SLC2A9: variants seen among roughly 807,000 people sequenced by gnomAD.
SLC2A9 encodes the protein solute carrier family 2 member 9, also known as solute carrier family 2, facilitated glucose transporter member 9.
SLC2A9 carries 39 observed loss-of-function variants against 50.6 expected under a neutral mutation model. The ratio of observed to expected loss-of-function variants is 0.77; its 90% CI spans 0.60 to 1.01. The LOEUF (loss-of-function observed/expected upper bound fraction) is 1.01. SLC2A9 is among the 50% of genes least tolerant of loss of function. The pLI is 0.00. For missense variants in SLC2A9, 686 were observed against 677.6 expected, an observed-to-expected ratio of 1.01 and a Z score of -0.14; for synonymous variants, 324 against 276.9, an observed-to-expected ratio of 1.17 and a Z score of -1.69.
At chr4:9,821,616 T>C (rs1724411467), downstream of SLC2A9, among the ~76,000 whole-genome samples, 1 of 152,172 alleles carries the variant, frequency 6.6e-6, no homozygotes, top group East Asian at 1.9e-4. Context: ...CTGCATGCTC[T>C]GCACATGTAC....
chr4:10,003,623 G>A (rs1365499748), intron 2 of SLC2A9, among the ~76,000 whole-genome samples: 1 of 152,170 alleles, frequency 6.6e-6, no homozygotes. Context: ...TTCAGCAATA[G>A]CCCAGGTGAA....
At chr4:9,772,825 A>ATTTTTTTTTTTTTTTTTTTTTTAT (rs71179491) in intron 1 of SLC2A9, among the ~76,000 whole-genome samples, 1 of 147,802 alleles carries the variant, frequency 6.8e-6, no homozygotes, top group African/African-American at 2.5e-5. Flanking sequence ...TTTTTTTTTT[A>ATTTTTTTTTTTTTTTTTTTTTTAT]TTTTTTTTTT....
At chr4:9,958,523 G>A (rs1751699201) in intron 5 of SLC2A9, among the ~76,000 whole-genome samples, 1 of 152,160 alleles carries the variant, frequency 6.6e-6, no homozygotes, top group African/African-American at 2.4e-5. Context: ...AATAACATTA[G>A]GAGAAATACC....
In SLC2A9 at chr4:9,861,201, G is replaced by A. The variant is rs573463482; in HGVS notation, c.1292-26193C>T. Among the ~76,000 whole-genome samples, 4 of 152,200 alleles carry A rather than the reference G, an allele frequency of 2.6e-5. No individual in the cohort carries two copies. The South Asian group carries it at 8.3e-4, about 32-fold the overall frequency. On this transcript the variant is annotated intron_variant, in intron 10 of 11. Coordinates refer to ENST00000264784, the MANE Select transcript of SLC2A9 (RefSeq NM_020041.3). The stretch of plus-strand genomic sequence containing the variant: ...CTGGCATCTACTCAGCTTCTGCGGA[G>A]GTCTCAGGAATCTTCCAATCACGGT...
intron 6 of SLC2A9, among the ~76,000 whole-genome samples, chr4:9,937,162 A>C (rs1193080604): frequency 6.6e-6 from 1 of 152,176 alleles, no homozygotes; most frequent in African/African-American, 2.4e-5. Context: ...CAATTCTCTA[A>C]ATCTAAAGTG....
chr4:9,989,722 AG>A (rs1262635721), intron 3 of SLC2A9, among the ~76,000 whole-genome samples: 6 of 152,116 alleles, frequency 3.9e-5, no homozygotes, highest in Non-Finnish European at 8.8e-5. Context: ...TTTTGCTCAG[AG>A]GAAGAGTCTC....
At chr4:9,790,324 C>T (rs1220682583) in intron 3 of SLC2A9, among the ~76,000 whole-genome samples, 1 of 152,196 alleles carries the variant, frequency 6.6e-6, no homozygotes, top group Admixed American at 6.5e-5. Context: ...TCCAATGGCC[C>T]TTTCCAATGG....
chr4:9,830,867 G>T (rs1726017221), intron 11 of SLC2A9, among the ~76,000 whole-genome samples: 3 of 152,200 alleles, frequency 2.0e-5, no homozygotes, highest in Admixed American at 1.3e-4. Context: ...ATGAAGGGAT[G>T]TGGGCTCCTC....
chr4:9,952,639 C>A (rs1339232409), intron 5 of SLC2A9, among the ~76,000 whole-genome samples: 1 of 152,006 alleles, frequency 6.6e-6, no homozygotes, highest in East Asian at 1.9e-4. Flanking sequence ...GCTCCTCCCA[C>A]CTTAGCCTCC....
At chr4:10,030,820 C>T (rs1763919864) in intron 1 of SLC2A9, among the ~76,000 whole-genome samples, 1 of 152,148 alleles carries the variant, frequency 6.6e-6, no homozygotes, top group African/African-American at 2.4e-5. Context: ...GTAGACCCCA[C>T]CAGGCCGCTT....
intron 10 of SLC2A9, among the ~76,000 whole-genome samples, chr4:9,882,853 C>G (rs575441436): frequency 7.6e-4 from 115 of 152,230 alleles, no homozygotes; most frequent in Non-Finnish European, 1.4e-3. Flanking sequence ...CTTCCTACCC[C>G]AACCTCATGA....
At chr4:10,007,292 C>T (rs1760964903) in intron 2 of SLC2A9, among the ~76,000 whole-genome samples, 1 of 152,194 alleles carries the variant, frequency 6.6e-6, no homozygotes, top group Non-Finnish European at 1.5e-5. Context: ...TCCTCCTCCC[C>T]AAGTGATTCT....
At chr4:9,798,794 A>T (rs1361090836), downstream of SLC2A9, 2 of 152,250 alleles carry the variant, frequency 1.3e-5, no homozygotes, top group Non-Finnish European at 2.9e-5. Flanking sequence ...ACTCAGGCTT[A>T]ATCACAGATA....
At chr4:9,895,408 G>C (rs1738348001) in intron 8 of SLC2A9, among the ~76,000 whole-genome samples, 1 of 152,224 alleles carries the variant, frequency 6.6e-6, no homozygotes, top group Non-Finnish European at 1.5e-5. Context: ...CTGTTGGAAG[G>C]GATTAGAGCG....
intron 10 of SLC2A9, among the ~76,000 whole-genome samples, chr4:9,862,915 T>G (rs1731877305): frequency 6.6e-6 from 1 of 152,004 alleles, no homozygotes; most frequent in Non-Finnish European, 1.5e-5. Context: ...AGTGCTTGAT[T>G]AATACTTTTA....
chr4:9,992,454 T>G (rs1464774565), intron 3 of SLC2A9, among the ~76,000 whole-genome samples: 1 of 152,226 alleles, frequency 6.6e-6, no homozygotes, highest in Non-Finnish European at 1.5e-5. Context: ...CCTTGAGTTA[T>G]GAAAACCAGA....
chr4:9,841,886 T>C (rs1424912022), intron 10 of SLC2A9, among the ~76,000 whole-genome samples: 1 of 152,170 alleles, frequency 6.6e-6, no homozygotes, highest in African/African-American at 2.4e-5. Flanking sequence ...TTCTCTGCAA[T>C]TGCTGACTCA....
chr4:9,862,153 G>T (rs1471391377), intron 10 of SLC2A9, among the ~76,000 whole-genome samples: 1 of 150,626 alleles, frequency 6.6e-6, no homozygotes, highest in African/African-American at 2.5e-5. Flanking sequence ...ACAAAGACAA[G>T]AGATATTCTG....
chr4:9,964,489 T>C (rs1752768894), intron 5 of SLC2A9, among the ~76,000 whole-genome samples: 1 of 152,202 alleles, frequency 6.6e-6, no homozygotes, highest in African/African-American at 2.4e-5. Flanking sequence ...TTTCTCTGGC[T>C]ACAGAAAATG....
Sources: gnomAD v4.1 joint callset for allele counts (sites outside exome capture counted in the v4.1 genomes callset) on GRCh38, gnomAD v4.1.1 for gene constraint, MANE v1.5 for transcripts, NCBI Gene and HGNC (gene_info 2026-07-23, HGNC 2026-07-21) for gene names.